The following RGS7 variants were observed in gnomAD, a reference collection of about 807,000 sequenced individuals.
RGS7 encodes the protein regulator of G protein signaling 7.
Under a neutral mutation model 81.1 loss-of-function variants are expected in RGS7, and 27 were observed. The ratio of observed to expected loss-of-function variants is 0.33; its 90% CI spans 0.25 to 0.46. The LOEUF (loss-of-function observed/expected upper bound fraction) is 0.46, where lower values mean the gene tolerates loss of function less well. Ranked by LOEUF, RGS7 falls within the 20% of genes least tolerant of loss-of-function variation. RGS7 has a pLI of 1.00. For missense variants in RGS7, 396 were observed against 607.4 expected, an observed-to-expected ratio of 0.65 and a Z score of 3.66; for synonymous variants, 208 against 207.7, an observed-to-expected ratio of 1.00 and a Z score of -0.01.
intron 9 of RGS7, among the ~76,000 whole-genome samples, chr1:240,860,757 T>G (rs899625531): frequency 6.6e-6 from 1 of 152,158 alleles, no homozygotes; most frequent in Non-Finnish European, 1.5e-5. Context: ...CAAACTGACC[T>G]TGTATCAGGG....
chr1:240,822,714 G>GT (rs1018909234), intron 10 of RGS7, among the ~76,000 whole-genome samples: 39 of 152,066 alleles, frequency 2.6e-4, no homozygotes, highest in Non-Finnish European at 4.4e-4. Context: ...CATAAGACAT[G>GT]TAATACATTT....
In RGS7 at chr1:241,147,779, T is replaced by TC. The variant is rs1260943777; in HGVS notation, c.79-49018_79-49017insG. Reference sequence around the variant, plus strand: ...ATTAAATATCCCATCTAGATTAAGTTTTATATATATATATATATATATATA... The same window carrying TC: ...ATTAAATATCCCATCTAGATTAAGTTCTTATATATATATATATATATATATA... On this transcript the variant is annotated intron_variant, in intron 2 of 18. Coordinates refer to ENST00000440928, the MANE Select transcript of RGS7 (RefSeq NM_001364886.1). Among the ~76,000 whole-genome samples the TC allele has an allele frequency of 1.8e-3, 173 of 94,136 alleles. 4 individuals carry two copies. Among genetic ancestry groups the TC allele is most frequent in the African/African-American group, 5.8e-3 (129 of 22,242 alleles). The allele number at this position is 94,136 out of a possible 152,430, so 61.8% of individuals were successfully genotyped here.
chr1:241,217,270 C>G (rs2074626793), intron 2 of RGS7, among the ~76,000 whole-genome samples: 1 of 152,088 alleles, frequency 6.6e-6, no homozygotes, highest in Non-Finnish European at 1.5e-5. Context: ...GAAGGGACCC[C>G]CTCACCAGAA....
In RGS7 at chr1:240,923,369, C is replaced by T. The variant is rs188255400; in HGVS notation, c.385+7348G>A. On this transcript the variant is annotated intron_variant, in intron 6 of 18. Transcript: ENST00000440928. The stretch of plus-strand genomic sequence containing the variant: ...ATCTTGGCTCATTAATTGTAACAAA[C>T]ATACTATATTATGGTAAGTTTTTAA... 1.5e-3 allele frequency among the ~76,000 whole-genome samples: 221 copies of T among 152,006 alleles called. 2 individuals are homozygous for T. Among genetic ancestry groups the T allele is most frequent in the Non-Finnish European group, 2.3e-3 (154 of 67,916 alleles).
chr1:241,187,905 T>C (rs958869319), intron 2 of RGS7, among the ~76,000 whole-genome samples: 2 of 152,122 alleles, frequency 1.3e-5, no homozygotes, highest in Non-Finnish European at 1.5e-5. Flanking sequence ...ACTGATTGCA[T>C]TGCAACATTA....
At chr1:240,819,103 C>T (rs1206225113) in intron 10 of RGS7, among the ~76,000 whole-genome samples, 1 of 152,108 alleles carries the variant, frequency 6.6e-6, no homozygotes, top group East Asian at 1.9e-4. Flanking sequence ...TATAATAGTT[C>T]TACCTTTCAG....
intron 3 of RGS7, among the ~76,000 whole-genome samples, chr1:241,080,080 T>C (rs147537175): frequency 4.0e-3 from 606 of 152,054 alleles, no homozygotes; most frequent in African/African-American, 0.014. Flanking sequence ...TCAGTAACAG[T>C]CCAGATGGCA....
At chr1:240,858,682 C>A (rs1661596463) in intron 9 of RGS7, among the ~76,000 whole-genome samples, 1 of 152,124 alleles carries the variant, frequency 6.6e-6, no homozygotes, top group South Asian at 2.1e-4. Flanking sequence ...CTCATAACAT[C>A]TTTTATAGAG....
chr1:241,302,172 G>A (rs2079801867), intron 2 of RGS7, among the ~76,000 whole-genome samples: 1 of 152,172 alleles, frequency 6.6e-6, no homozygotes, highest in Non-Finnish European at 1.5e-5. Flanking sequence ...TGAGGTGAGA[G>A]CAGGCCTAGC....
chr1:241,008,139 AAAC>A (rs2058769772), intron 3 of RGS7, among the ~76,000 whole-genome samples: 1 of 152,054 alleles, frequency 6.6e-6, no homozygotes, highest in Non-Finnish European at 1.5e-5. Context: ...CAAACAAACA[AAAC>A]AAACAAAAAA....
chr1:241,321,655 A>G (rs796725976), intron 2 of RGS7, among the ~76,000 whole-genome samples: 36 of 152,346 alleles, frequency 2.4e-4, no homozygotes, highest in Middle Eastern at 3.4e-3. Context: ...ATGTCTGAGA[A>G]TTAAGACATA....
chr1:240,926,531 T>C (rs2148326846), intron 6 of RGS7, among the ~76,000 whole-genome samples: 1 of 152,286 alleles, frequency 6.6e-6, no homozygotes, highest in Admixed American at 6.5e-5. Context: ...AAAATGGTCA[T>C]TTCTAGGACC....
chr1:240,801,123 A>T (rs1290448515), intron 17 of RGS7, among the ~76,000 whole-genome samples: 1 of 152,126 alleles, frequency 6.6e-6, no homozygotes, highest in Non-Finnish European at 1.5e-5. Context: ...ATAGAAATAC[A>T]TGCACTATCT....
At chr1:241,010,722 G>A (rs546846141) in intron 3 of RGS7, among the ~76,000 whole-genome samples, 1 of 147,044 alleles carries the variant, frequency 6.8e-6, no homozygotes, top group Admixed American at 6.7e-5. Context: ...TCAAGTTAAT[G>A]TCTTCTCAGC....
chr1:240,890,161 CT>C lies in RGS7; in HGVS notation c.386-20043del, dbSNP rs902274080. ...CTTGATCTCTGGGGCTTCTGCCCTTCTTTTTTTTTTGAGACGGAGTCTCGCT... is the reference window on the plus strand; with the variant it reads ...CTTGATCTCTGGGGCTTCTGCCCTTCTTTTTTTTTGAGACGGAGTCTCGCT... On this transcript the variant is annotated intron_variant, in intron 6 of 18. Transcript: ENST00000440928. Among the ~76,000 whole-genome samples, 72 of 149,808 alleles carry C rather than the reference CT, an allele frequency of 4.8e-4. No homozygotes were observed. The South Asian group carries it at 8.7e-3, about 18-fold the overall frequency.
At chr1:241,063,186 A>G (rs1009980402) in intron 3 of RGS7, among the ~76,000 whole-genome samples, 6 of 152,214 alleles carry the variant, frequency 3.9e-5, no homozygotes, top group South Asian at 2.1e-4. Context: ...GATTATCCCA[A>G]CTTTTATAAT....
intron 2 of RGS7, among the ~76,000 whole-genome samples, chr1:241,130,714 T>C (rs1309718644): frequency 1.3e-5 from 2 of 150,604 alleles, no homozygotes; most frequent in African/African-American, 2.5e-5. Context: ...ACACAAAATA[T>C]CTGAATTTTA....
intron 2 of RGS7, among the ~76,000 whole-genome samples, chr1:241,219,593 G>A (rs1365480897): frequency 1.3e-5 from 2 of 152,084 alleles, no homozygotes; most frequent in Non-Finnish European, 2.9e-5. Flanking sequence ...GGTATTTACA[G>A]GTCACCCAGT....
intron 6 of RGS7, among the ~76,000 whole-genome samples, chr1:240,885,661 C>T (rs143201548): frequency 3.9e-5 from 6 of 152,196 alleles, no homozygotes; most frequent in African/African-American, 1.4e-4. Flanking sequence ...AAACCAAATG[C>T]CACATGTTCT....
Sources: allele counts gnomAD v4.1 joint callset (sites outside exome capture counted in the v4.1 genomes callset), GRCh38; gene constraint gnomAD v4.1.1; transcripts MANE v1.5; gene names NCBI Gene and HGNC (gene_info 2026-07-23, HGNC 2026-07-21).